THRA: variants seen among roughly 807,000 people sequenced by gnomAD.
The protein encoded by THRA is EAR-7.
Under a neutral mutation model 45.0 loss-of-function variants are expected in THRA, and 13 were observed. The ratio of observed to expected loss-of-function variants is 0.29; its 90% CI spans 0.19 to 0.46. THRA has a LOEUF of 0.46. Among genes scored for constraint, THRA ranks in the 20% least tolerant of loss-of-function variants. THRA has a pLI of 1.00. For synonymous variants in THRA, 195 were observed against 214.0 expected (o/e 0.91, Z 0.78); for missense variants, 278 against 556.1 (o/e 0.50, Z 5.03).
intron 4 of THRA, among the ~76,000 whole-genome samples, chr17:40,080,803 A>G (rs2145068260): frequency 6.7e-6 from 1 of 149,026 alleles, no homozygotes; most frequent in East Asian, 2.0e-4. Flanking sequence ...GCTCACTGCA[A>G]CCTCTGCCTC....
At position 40,080,081 on chromosome 17, in the gene THRA, T is replaced by TA. The variant is rs545748523; in HGVS notation, c.222+2484dup. Among the ~76,000 whole-genome samples, 728 of 132,532 alleles carry TA rather than the reference T, an allele frequency of 5.5e-3. 4 individuals are homozygous for TA. Among genetic ancestry groups the TA allele is most frequent in the African/African-American group, 0.016 (583 of 35,968 alleles). 86.9% of individuals were successfully genotyped at this position (132,532 alleles called of 152,430 possible). On this transcript the variant is annotated intron_variant, in intron 4 of 8. Coordinates refer to ENST00000450525, the MANE Select transcript of THRA (RefSeq NM_199334.5). ...GACAGAGTGATACTCTGTCTCAAAA[T>TA]AAAAAAAAAAAGAAACAGAATGATT...
chr17:40,064,521 T>A (rs1395182105), intron 1 of THRA, among the ~76,000 whole-genome samples: 1 of 152,152 alleles, frequency 6.6e-6, no homozygotes, highest in Admixed American at 6.5e-5. Context: ...AACAAGTATT[T>A]TCCTGGACTC....
Position 40,074,678 on chromosome 17 carries a change from G to T in THRA, c.53+137G>T, listed in dbSNP as rs1021927943. The T allele has an allele frequency of 2.5e-5, 22 of 874,602 alleles. No homozygotes were observed. In the African/African-American group the frequency reaches 3.7e-4, roughly 15 times the overall value. The allele number at this position is 874,602 out of a possible 1,614,324, so 54.2% of individuals were successfully genotyped here. Reference sequence around the variant, plus strand: ...GCCAGCAAGCCTTCTGCCTACCTTTGTCTGGCAGATGAAGTCATGTTCAGA... The same window carrying T: ...GCCAGCAAGCCTTCTGCCTACCTTTTTCTGGCAGATGAAGTCATGTTCAGA... On this transcript the variant is annotated intron_variant, in intron 2 of 8. Transcript: ENST00000450525.
intron 1 of THRA, among the ~76,000 whole-genome samples, chr17:40,072,425 T>G (rs900308978): frequency 6.6e-6 from 1 of 152,126 alleles, no homozygotes; most frequent in African/African-American, 2.4e-5. Context: ...CGCTTGGGCC[T>G]CCGGCTGGCG....
At chr17:40,085,612 G>A (rs1207898590) in intron 6 of THRA, among the ~76,000 whole-genome samples, 3 of 151,546 alleles carry the variant, frequency 2.0e-5, no homozygotes, top group Admixed American at 2.0e-4. Context: ...GTGATTACAA[G>A]ATGTGAGCCA....
Position 40,084,309 on chromosome 17 carries a change from A to C in THRA, c.371-301A>C, listed in dbSNP as rs1313028678. The C allele has an allele frequency of 1.6e-5, 8 of 506,894 alleles. No homozygotes were observed. In the East Asian group the frequency reaches 2.8e-4, roughly 18 times the overall value. 31.4% of individuals were successfully genotyped at this position (506,894 alleles called of 1,614,324 possible). The stretch of plus-strand genomic sequence containing the variant: ...AAGGCACCCCACTTCTAGATGAGAC[A>C]GGGCATCTTCCATTGGCTGGGGATT... On this transcript the variant is annotated intron_variant, in intron 5 of 8. Transcript: ENST00000450525.
chr17:40,063,378 C>G (rs979279344), intron 1 of THRA, among the ~76,000 whole-genome samples: 1 of 152,172 alleles, frequency 6.6e-6, no homozygotes, highest in Admixed American at 6.5e-5. Context: ...CGGCCTCTGT[C>G]CGGCCAGTCT....
intron 1 of THRA, chr17:40,069,075 T>G (rs1485342225): frequency 1.3e-5 from 2 of 150,794 alleles, no homozygotes; most frequent in African/African-American, 4.9e-5. Flanking sequence ...GCGCGCGCTC[T>G]CTCCCTCCCT....
chr17:40,083,790 G>A (rs1334759356), intron 4 of THRA, 45 bp from the exon 5 acceptor site: 4 of 1,547,936 alleles, frequency 2.6e-6, no homozygotes, highest in Non-Finnish European at 3.5e-6. Flanking sequence ...TCAGGAAGGG[G>A]AAGCCATGTC....
chr17:40,068,287 G>A (rs182388845), intron 1 of THRA, among the ~76,000 whole-genome samples: 1 of 152,358 alleles, frequency 6.6e-6, no homozygotes, highest in Admixed American at 6.5e-5. Flanking sequence ...CACAAGGTGG[G>A]ATGACCCCTG....
At position 40,090,451 on chromosome 17, in the gene THRA, T is replaced by A. The variant is rs1987491081; in HGVS notation, c.*995T>A. On this transcript the variant is annotated 3_prime_UTR_variant, in exon 9 of 9. Coordinates refer to ENST00000450525, the MANE Select transcript of THRA (RefSeq NM_199334.5). ...CCCTAGGGGCCTCTCCCCATCCACC[T>A]CCTCCTTCCACACCTTGGCACCCAC... 6.6e-6 allele frequency: 1 copy of A among 152,122 alleles called. No individual in the cohort carries two copies. The highest frequency in any genetic ancestry group is 1.9e-4 in the East Asian group (1 of 5,170). The allele number at this position is 152,122 out of a possible 1,614,324, so 9.4% of individuals were successfully genotyped here. A position where few individuals can be genotyped will look rare whatever the true frequency, so the allele number is the denominator to read the frequency against.
chr17:40,068,524 C>T (rs1476962095), intron 1 of THRA, among the ~76,000 whole-genome samples: 1 of 152,210 alleles, frequency 6.6e-6, no homozygotes, highest in Admixed American at 6.5e-5. Context: ...GACCTCCCTC[C>T]GGTATGCCAT....
intron 5 of THRA, 111 bp downstream of exon 5, chr17:40,084,093 A>T (rs1393720920): frequency 7.8e-7 from 1 of 1,289,238 alleles, no homozygotes; most frequent in East Asian, 2.5e-5. Context: ...CAGAGTGGCA[A>T]TCCAGTCTAG....
At chr17:40,069,445 C>T (rs1567648128) in intron 1 of THRA, among the ~76,000 whole-genome samples, 1 of 151,914 alleles carries the variant, frequency 6.6e-6, no homozygotes, top group Non-Finnish European at 1.5e-5. Flanking sequence ...CAGGCAACTT[C>T]TTCTACTGCC....
At chr17:40,079,405 TGGC>T (rs1987062484) in intron 4 of THRA, among the ~76,000 whole-genome samples, 1 of 152,086 alleles carries the variant, frequency 6.6e-6, no homozygotes, top group African/African-American at 2.4e-5. Context: ...CCACCAAGCC[TGGC>T]TAATTTTTGT....
At chr17:40,083,356 T>C (rs1987213426) in intron 4 of THRA, among the ~76,000 whole-genome samples, 1 of 152,090 alleles carries the variant, frequency 6.6e-6, no homozygotes, top group Non-Finnish European at 1.5e-5. Context: ...CATGAGCCAC[T>C]GCACCCAACC....
At chr17:40,070,579 C>A (rs1289741762) in intron 1 of THRA, among the ~76,000 whole-genome samples, 2 of 152,154 alleles carry the variant, frequency 1.3e-5, no homozygotes, top group Non-Finnish European at 2.9e-5. Context: ...CCATGCATGC[C>A]CATTTATGTG....
At chr17:40,076,483 G>A (rs993974267) in intron 2 of THRA, among the ~76,000 whole-genome samples, 3 of 152,160 alleles carry the variant, frequency 2.0e-5, no homozygotes, top group South Asian at 2.1e-4. Context: ...CATCTGTGCC[G>A]GTGTTATGTT....
chr17:40,081,545 G>A (rs1381144953), intron 4 of THRA, among the ~76,000 whole-genome samples: 3 of 152,134 alleles, frequency 2.0e-5, no homozygotes, highest in African/African-American at 7.2e-5. Flanking sequence ...GGGATTACAG[G>A]TGTGAGTCAT....
Sources: allele counts gnomAD v4.1 joint callset (sites outside exome capture counted in the v4.1 genomes callset), GRCh38; gene constraint gnomAD v4.1.1; transcripts MANE v1.5; gene names NCBI Gene and HGNC (gene_info 2026-07-23, HGNC 2026-07-21).